The following BRINP3 variants were observed in gnomAD, a reference collection of about 807,000 sequenced individuals.
BRINP3 encodes the protein BMP/retinoic acid-inducible neural-specific protein 3.
In BRINP3, 19 loss-of-function variants were observed where a neutral mutation model predicts 71.0. The ratio of observed to expected loss-of-function variants is 0.27; its 90% CI spans 0.19 to 0.39. The LOEUF is 0.39. Among genes scored for constraint, BRINP3 ranks in the 10% least tolerant of loss-of-function variants. The probability of loss-of-function intolerance (pLI) is 1.00; values close to 1 mark genes in which losing one functional copy is unlikely to be tolerated. For synonymous variants in BRINP3, 380 were observed against 337.7 expected (o/e 1.13, Z -1.37); for missense variants, 959 against 940.8 (o/e 1.02, Z -0.25).
chr1:190,461,279 C>T (rs61818809), intron 1 of BRINP3, among the ~76,000 whole-genome samples: 16,064 of 152,216 alleles, frequency 0.11, 1,066 homozygotes, highest in East Asian at 0.16. Flanking sequence ...CCCATTTTCT[C>T]TCCAAGATCT....
At chr1:190,223,574 A>AT (rs35899166) in intron 6 of BRINP3, among the ~76,000 whole-genome samples, 2 of 151,854 alleles carry the variant, frequency 1.3e-5, no homozygotes, top group South Asian at 2.1e-4. Context: ...GAGAAAAATA[A>AT]TTTTTTCTTA....
At chr1:190,261,920 A>G (rs1250040403) in intron 4 of BRINP3, among the ~76,000 whole-genome samples, 1 of 152,200 alleles carries the variant, frequency 6.6e-6, no homozygotes, top group African/African-American at 2.4e-5. Flanking sequence ...ATATTTCAGT[A>G]GTTGAATACC....
chr1:190,438,382 T>G (rs1674604826), intron 2 of BRINP3, among the ~76,000 whole-genome samples: 1 of 151,734 alleles, frequency 6.6e-6, no homozygotes, highest in Non-Finnish European at 1.5e-5. Context: ...TCTCTCTATC[T>G]CTCATCACTT....
chr1:190,290,108 A>T (rs1404535050), intron 2 of BRINP3, among the ~76,000 whole-genome samples: 1 of 152,118 alleles, frequency 6.6e-6, no homozygotes, highest in Non-Finnish European at 1.5e-5. Context: ...TAAAGTTCAC[A>T]GAAAATCAAA....
At chr1:190,281,825 T>TG in intron 2 of BRINP3, 75 bp from the exon 3 acceptor site, 3 of 1,399,564 alleles carry the variant, frequency 2.1e-6, no homozygotes, top group Non-Finnish European at 2.9e-6. Flanking sequence ...ACTTGGTAGC[T>TG]GGGGTCAGTA....
chr1:190,308,464 G>A (rs1571704534), intron 2 of BRINP3, among the ~76,000 whole-genome samples: 1 of 151,806 alleles, frequency 6.6e-6, no homozygotes, highest in South Asian at 2.1e-4. Context: ...GACACAGGAA[G>A]GGGAACATCA....
chr1:190,122,170 G>A (rs779600087), intron 7 of BRINP3, among the ~76,000 whole-genome samples: 14 of 151,886 alleles, frequency 9.2e-5, no homozygotes, highest in Admixed American at 7.9e-4. Flanking sequence ...TTCTGCCATC[G>A]GATCCATTGT....
At chr1:190,226,708 T>C (rs1448094218) in intron 5 of BRINP3, among the ~76,000 whole-genome samples, 1 of 152,014 alleles carries the variant, frequency 6.6e-6, no homozygotes, top group Non-Finnish European at 1.5e-5. Flanking sequence ...AATATTTTCA[T>C]TTTGTTTGCA....
chr1:190,336,856 C>CCA (rs1667321047), intron 2 of BRINP3, among the ~76,000 whole-genome samples: 1 of 88,572 alleles, frequency 1.1e-5, no homozygotes, highest in South Asian at 4.5e-4. Flanking sequence ...CCTTCCTTCC[C>CCA]TCCTTCCTTC....
chr1:190,114,770 A>T (rs906602617), intron 7 of BRINP3, among the ~76,000 whole-genome samples: 1 of 151,266 alleles, frequency 6.6e-6, no homozygotes, highest in Non-Finnish European at 1.5e-5. Context: ...CCACTTTCTC[A>T]CTCCACTACA....
intron 6 of BRINP3, among the ~76,000 whole-genome samples, chr1:190,192,350 G>A (rs1010457085): frequency 5.3e-5 from 8 of 152,198 alleles, no homozygotes; most frequent in Non-Finnish European, 1.0e-4. Flanking sequence ...CCTATACAGT[G>A]TTGATTAGTG....
chr1:190,256,305 T>C (rs1400687018), intron 4 of BRINP3, among the ~76,000 whole-genome samples: 1 of 152,136 alleles, frequency 6.6e-6, no homozygotes, highest in Non-Finnish European at 1.5e-5. Context: ...GAGACTAGGA[T>C]TGCAACCCCT....
chr1:190,436,379 G>T (rs897102308), intron 2 of BRINP3, among the ~76,000 whole-genome samples: 4 of 151,818 alleles, frequency 2.6e-5, no homozygotes, highest in African/African-American at 9.7e-5. Context: ...CAACGCCAGA[G>T]CCAAGGATCT....
intron 7 of BRINP3, among the ~76,000 whole-genome samples, chr1:190,110,450 G>T (rs1016395966): frequency 2.6e-5 from 4 of 152,158 alleles, no homozygotes; most frequent in Non-Finnish European, 4.4e-5. Context: ...AAAAATGTGA[G>T]CTGCTCTACT....
intron 2 of BRINP3, among the ~76,000 whole-genome samples, chr1:190,338,394 C>T (rs1388500143): frequency 6.6e-6 from 1 of 151,946 alleles, no homozygotes; most frequent in African/African-American, 2.4e-5. Flanking sequence ...TCTAAGTTGA[C>T]TCTATTGTTG....
chr1:190,213,403 G>T (rs546804148), intron 6 of BRINP3, among the ~76,000 whole-genome samples: 1 of 152,082 alleles, frequency 6.6e-6, no homozygotes, highest in African/African-American at 2.4e-5. Context: ...GTGCTTCTGT[G>T]GAATTACCTA....
At chr1:190,338,455 A>G (rs1280521650) in intron 2 of BRINP3, among the ~76,000 whole-genome samples, 3 of 152,042 alleles carry the variant, frequency 2.0e-5, no homozygotes, top group Admixed American at 1.3e-4. Context: ...TATCATTTCA[A>G]CTCCTATTGT....
intron 7 of BRINP3, among the ~76,000 whole-genome samples, chr1:190,136,543 CTT>C (rs1168774941): frequency 6.6e-6 from 1 of 152,080 alleles, no homozygotes; most frequent in African/African-American, 2.4e-5. Context: ...TTTGAATAAT[CTT>C]GTTTGTCCAA....
At chr1:190,397,595 A>G (rs1197894669) in intron 2 of BRINP3, among the ~76,000 whole-genome samples, 3 of 152,044 alleles carry the variant, frequency 2.0e-5, no homozygotes, top group Admixed American at 6.6e-5. Context: ...TAATATAATT[A>G]TATTCTAAAT....
Sources: allele counts gnomAD v4.1 joint callset (sites outside exome capture counted in the v4.1 genomes callset), GRCh38; gene constraint gnomAD v4.1.1; transcripts MANE v1.5; gene names NCBI Gene and HGNC (gene_info 2026-07-23, HGNC 2026-07-21).